The following SPOCK3 variants were observed in gnomAD, a reference collection of about 807,000 sequenced individuals.
The protein encoded by SPOCK3 is testican-3.
SPOCK3 carries 30 observed loss-of-function variants against 56.6 expected under a neutral mutation model. The observed-to-expected ratio is 0.53, with a 90% CI of 0.40 to 0.72. The LOEUF is 0.72. Among genes scored for constraint, SPOCK3 ranks in the 30% least tolerant of loss-of-function variants. SPOCK3 has a pLI of 0.00. For missense variants in SPOCK3, 527 were observed against 530.0 expected (o/e 0.99, Z 0.06); for synonymous variants, 196 against 183.3 (o/e 1.07, Z -0.56).
At chr4:166,874,980 T>C (rs1732927199) in intron 6 of SPOCK3, among the ~76,000 whole-genome samples, 1 of 152,158 alleles carries the variant, frequency 6.6e-6, no homozygotes, top group East Asian at 1.9e-4. Context: ...AACAAATAAC[T>C]GTGCACCTTA....
chr4:166,962,650 T>C (rs188251035), intron 4 of SPOCK3, among the ~76,000 whole-genome samples: 2 of 152,240 alleles, frequency 1.3e-5, no homozygotes, highest in East Asian at 1.9e-4. Flanking sequence ...TATCTTGAAG[T>C]GCATGACACT....
chr4:166,905,066 G>T (rs1172160037), intron 5 of SPOCK3, among the ~76,000 whole-genome samples: 1 of 151,660 alleles, frequency 6.6e-6, no homozygotes, highest in African/African-American at 2.4e-5. Context: ...TCCCTAGTTT[G>T]TAGACATTAT....
intron 6 of SPOCK3, among the ~76,000 whole-genome samples, chr4:166,844,457 C>A (rs972131221): frequency 4.6e-5 from 7 of 152,098 alleles, no homozygotes; most frequent in Admixed American, 4.6e-4. Flanking sequence ...TTTTTAGATG[C>A]AATTAACAAT....
chr4:166,934,154 T>A (rs1371244235), intron 4 of SPOCK3, among the ~76,000 whole-genome samples: 1 of 151,674 alleles, frequency 6.6e-6, no homozygotes, highest in African/African-American at 2.4e-5. Context: ...GAGTTCAAAA[T>A]AGTAGGGAAT....
At chr4:167,224,502 A>G (rs890309404) in intron 2 of SPOCK3, among the ~76,000 whole-genome samples, 3 of 152,170 alleles carry the variant, frequency 2.0e-5, no homozygotes, top group Admixed American at 6.5e-5. Context: ...CAATTTTTGT[A>G]TATGCCACTC....
At chr4:167,019,408 A>G (rs557216004) in intron 3 of SPOCK3, among the ~76,000 whole-genome samples, 1 of 152,084 alleles carries the variant, frequency 6.6e-6, no homozygotes, top group East Asian at 1.9e-4. Context: ...CGTATGATAT[A>G]TAAATATATA....
chr4:167,081,026 G>A (rs1279987077), intron 2 of SPOCK3, among the ~76,000 whole-genome samples: 3 of 151,384 alleles, frequency 2.0e-5, no homozygotes, highest in Non-Finnish European at 4.4e-5. Flanking sequence ...AATTACAGAT[G>A]TCCTATATTC....
intron 4 of SPOCK3, among the ~76,000 whole-genome samples, chr4:166,955,593 T>G (rs998334848): frequency 3.4e-5 from 5 of 145,074 alleles, no homozygotes; most frequent in Admixed American, 2.8e-4. Flanking sequence ...TATATTAAAT[T>G]TAATATAATC....
intron 2 of SPOCK3, among the ~76,000 whole-genome samples, chr4:167,082,114 AAG>A (rs1757762058): frequency 6.6e-6 from 1 of 152,130 alleles, no homozygotes; most frequent in Non-Finnish European, 1.5e-5. Flanking sequence ...CTTTGGTATG[AAG>A]AGTTTGAAGC....
At chr4:167,047,523 T>C (rs1431347090) in intron 3 of SPOCK3, among the ~76,000 whole-genome samples, 3 of 152,188 alleles carry the variant, frequency 2.0e-5, no homozygotes, top group Non-Finnish European at 4.4e-5. Context: ...AATATGAATT[T>C]ATGGGTTATG....
At chr4:166,985,322 C>T (rs1747031446) in intron 4 of SPOCK3, among the ~76,000 whole-genome samples, 1 of 152,066 alleles carries the variant, frequency 6.6e-6, no homozygotes, top group Non-Finnish European at 1.5e-5. Flanking sequence ...CGTAATCCGT[C>T]CAAGTGAAGA....
At chr4:166,949,424 T>G (rs1281121453) in intron 4 of SPOCK3, among the ~76,000 whole-genome samples, 1 of 152,208 alleles carries the variant, frequency 6.6e-6, no homozygotes, top group East Asian at 1.9e-4. Flanking sequence ...CTCTGCTTTT[T>G]AGAGTTTCCA....
intron 4 of SPOCK3, among the ~76,000 whole-genome samples, chr4:166,999,689 C>T (rs182977991): frequency 4.9e-4 from 75 of 152,224 alleles, no homozygotes; most frequent in African/African-American, 1.7e-3. Flanking sequence ...TTGATTGTGG[C>T]GCGTTCAAAT....
At chr4:166,832,389 T>G (rs1746174123) in intron 6 of SPOCK3, among the ~76,000 whole-genome samples, 1 of 86,066 alleles carries the variant, frequency 1.2e-5, no homozygotes, top group Admixed American at 1.1e-4. Context: ...GAATGGCTAT[T>G]ATTAAAAAAT....
chr4:166,888,046 A>G (rs146602530), intron 6 of SPOCK3, among the ~76,000 whole-genome samples: 13 of 152,074 alleles, frequency 8.5e-5, no homozygotes, highest in East Asian at 3.9e-4. Context: ...ATTTAGTTTT[A>G]TTTTGTTTTT....
intron 2 of SPOCK3, among the ~76,000 whole-genome samples, chr4:167,102,736 T>A (rs1212534272): frequency 6.6e-6 from 1 of 151,646 alleles, no homozygotes. Context: ...ATCCCAGCGG[T>A]TGAAACGTGG....
In SPOCK3 at chr4:166,877,217, C is replaced by T. The variant is rs146260494; in HGVS notation, c.589+11913G>A. On this transcript the variant is annotated intron_variant, in intron 6 of 10. Transcript: ENST00000357545. ...ACAAATTATTTTGTGTCAAAATATT[C>T]TCCTATAGAAACCAAAATTCTGAAC... Among the ~76,000 whole-genome samples the T allele has an allele frequency of 8.1e-3, 1,226 of 152,212 alleles. 15 individuals carry two copies. The highest frequency in any genetic ancestry group is 0.027 in the African/African-American group (1,132 of 41,566).
intron 3 of SPOCK3, among the ~76,000 whole-genome samples, chr4:167,035,755 A>C (rs1248408478): frequency 6.6e-6 from 1 of 152,136 alleles, no homozygotes; most frequent in Non-Finnish European, 1.5e-5. Flanking sequence ...TCAAACCTTC[A>C]TTCTCATCCT....
In SPOCK3 at chr4:167,028,590, A is replaced by G. The variant is rs373794231; in HGVS notation, c.236-28127T>C. Among the ~76,000 whole-genome samples the G allele has an allele frequency of 5.3e-5, 8 of 151,998 alleles. No homozygotes were observed. In the East Asian group the frequency reaches 7.8e-4, roughly 15 times the overall value. On this transcript the variant is annotated intron_variant, in intron 3 of 10. Coordinates refer to ENST00000357545, the MANE Select transcript of SPOCK3 (RefSeq NM_001040159.2). ...TATCATGATCTCTTGAGTTGCAGTT[A>G]TGTATAATTTTCCAAAGTTACATAT...
Sources: allele counts gnomAD v4.1 joint callset (sites outside exome capture counted in the v4.1 genomes callset), GRCh38; gene constraint gnomAD v4.1.1; transcripts MANE v1.5; gene names NCBI Gene and HGNC (gene_info 2026-07-23, HGNC 2026-07-21).